Variants in NEK9 observed in about 807,000 individuals in gnomAD.
NEK9 encodes the protein serine/threonine-protein kinase Nek9.
In NEK9, 75 loss-of-function variants were observed where a neutral mutation model predicts 123.4. The observed-to-expected ratio is 0.61, with a 90% CI of 0.50 to 0.74. NEK9 has a LOEUF of 0.74. Ranked by LOEUF, NEK9 falls within the 30% of genes least tolerant of loss-of-function variation. The probability of loss-of-function intolerance (pLI) is 0.00; values close to 1 mark genes in which losing one functional copy is unlikely to be tolerated. For synonymous variants in NEK9, 438 were observed against 458.7 expected, an observed-to-expected ratio of 0.95 and a Z score of 0.58; for missense variants, 952 against 1,214.4, an observed-to-expected ratio of 0.78 and a Z score of 3.21.
At chr14:75,126,286 C>T (rs766726749) in intron 1 of NEK9, among the ~76,000 whole-genome samples, 25 of 152,030 alleles carry the variant, frequency 1.6e-4, no homozygotes, top group Non-Finnish European at 2.9e-4. Flanking sequence ...TCCTCCTCAC[C>T]CCGACCTTGG....
intron 8 of NEK9, among the ~76,000 whole-genome samples, chr14:75,110,651 G>T (rs1216691134): frequency 6.6e-6 from 1 of 151,918 alleles, no homozygotes; most frequent in African/African-American, 2.4e-5. Flanking sequence ...GAGAACCTCT[G>T]ATGTACATAT....
chr14:75,111,496 A>T (rs949077214), intron 8 of NEK9, among the ~76,000 whole-genome samples: 1 of 152,224 alleles, frequency 6.6e-6, no homozygotes, highest in Admixed American at 6.5e-5. Flanking sequence ...TTTTCCATCA[A>T]AGTACAAAGT....
rs1179925260 is a variant in NEK9 at position 75,090,775 on chromosome 14, G to A, written c.2442+495C>T. Among the ~76,000 whole-genome samples the A allele has an allele frequency of 5.3e-5, 8 of 151,894 alleles. 1 individual carries two copies. Among genetic ancestry groups the A allele is most frequent in the Admixed American group, 5.2e-4 (8 of 15,254 alleles). Reference sequence around the variant, plus strand: ...TTTGGTACAGACAAGGTCTTGCTGTGTTGCCCAAGCTGGTCTTGAGCTCCT... The same window carrying A: ...TTTGGTACAGACAAGGTCTTGCTGTATTGCCCAAGCTGGTCTTGAGCTCCT... On this transcript the variant is annotated intron_variant, in intron 19 of 21. Coordinates refer to ENST00000238616, the MANE Select transcript of NEK9 (RefSeq NM_033116.6).
intron 17 of NEK9, chr14:75,096,733 GC>G (rs1894397417): frequency 6.4e-6 from 1 of 157,168 alleles, no homozygotes; most frequent in Non-Finnish European, 1.4e-5. Flanking sequence ...AAGAGAATTT[GC>G]TTGAACCCAA....
chr14:75,102,696 T>C (rs1380288125), intron 14 of NEK9, among the ~76,000 whole-genome samples: 1 of 152,216 alleles, frequency 6.6e-6, no homozygotes, highest in Non-Finnish European at 1.5e-5. Flanking sequence ...TCTCCAGCCT[T>C]GCCCTGAATT....
intron 16 of NEK9, among the ~76,000 whole-genome samples, chr14:75,099,201 TG>T (rs1450270262): frequency 4.6e-5 from 7 of 152,108 alleles, no homozygotes; most frequent in Non-Finnish European, 8.8e-5. Context: ...GGCACACGCC[TG>T]TAATTCCAGC....
chr14:75,117,509 C>A (rs1384860159), intron 5 of NEK9, among the ~76,000 whole-genome samples, 183 bp from the exon 6 acceptor site: 1 of 152,102 alleles, frequency 6.6e-6, no homozygotes, highest in African/African-American at 2.4e-5. Context: ...TCATATCAAA[C>A]CTCTTGGGTC....
intron 12 of NEK9, 128 bp downstream of exon 12, chr14:75,106,361 GAAAAAAAAAAAAA>G: frequency 6.7e-6 from 2 of 298,952 alleles, no homozygotes; most frequent in East Asian, 8.4e-5. Context: ...TCTGTCTCGA[GAAAAAAAAAAAAA>G]AAAAAAAAAA....
intron 8 of NEK9, among the ~76,000 whole-genome samples, chr14:75,112,010 CA>C (rs1382013908): frequency 2.0e-5 from 3 of 152,100 alleles, no homozygotes; most frequent in Non-Finnish European, 4.4e-5. Context: ...TGCACGTGCA[CA>C]AAACATAAAT....
intron 2 of NEK9, among the ~76,000 whole-genome samples, chr14:75,123,333 G>A (rs1393530278): frequency 6.6e-6 from 1 of 152,000 alleles, no homozygotes. Context: ...CCCAGGAGGC[G>A]GAGGTTGTGG....
At chr14:75,114,084 T>C in intron 7 of NEK9, 119 bp downstream of exon 7, 1 of 668,088 alleles carries the variant, frequency 1.5e-6, no homozygotes, top group Non-Finnish European at 2.7e-6. Flanking sequence ...TAGCCACAAA[T>C]ACACTCTACC....
intron 4 of NEK9, 21 bp downstream of exon 4, chr14:75,120,489 A>G (rs1202654013): frequency 6.3e-7 from 1 of 1,575,940 alleles, no homozygotes; most frequent in Non-Finnish European, 8.7e-7. Flanking sequence ...GAATCCATCC[A>G]TAATTTTTTT....
chr14:75,102,716 C>T (rs1894629072), intron 14 of NEK9, among the ~76,000 whole-genome samples: 1 of 152,134 alleles, frequency 6.6e-6, no homozygotes, highest in Admixed American at 6.5e-5. Context: ...TTGTACTCTC[C>T]TAATTGAAAA....
At position 75,124,183 on chromosome 14, in the gene NEK9, C is replaced by T. The variant is rs767146329; in HGVS notation, c.260G>A (p.Arg87Gln). ...LVVWKEVDLT[R>Q]LSEKERRDAL... is the part of the protein sequence containing the mutation. ...ATCACGACGTTCCTTCTCAGACAGC[C>T]GGGTCAAATCGACTTCCTTCCACAC... Residue 87 changes from arginine to glutamine, a missense_variant, in exon 2 of 22, where the codon CGG (arginine) becomes CAG (glutamine). This residue lies in a region of NEK9 where 106 missense variants were observed against 153.0 expected (regional missense o/e 0.69). Coordinates refer to ENST00000238616, the MANE Select transcript of NEK9 (RefSeq NM_033116.6). 9.3e-6 allele frequency: 15 copies of T among 1,613,998 alleles called. No homozygotes were observed. The highest frequency in any genetic ancestry group is 2.2e-5 in the East Asian group (1 of 44,882).
chr14:75,093,620 AT>A (rs912408186), intron 18 of NEK9, among the ~76,000 whole-genome samples: 4 of 151,040 alleles, frequency 2.6e-5, no homozygotes, highest in African/African-American at 4.9e-5. Flanking sequence ...TGCCTGGCTA[AT>A]TTTTTTTTGT....
chr14:75,124,938 ATT>A (rs34243579), intron 1 of NEK9, among the ~76,000 whole-genome samples: 300 of 139,470 alleles, frequency 2.2e-3, no homozygotes, highest in African/African-American at 3.0e-3. Flanking sequence ...ACTCAGCTAA[ATT>A]TTTTTTTTTT....
In NEK9 at chr14:75,107,507, T is replaced by C; in HGVS notation, c.1183-20A>G. ...CATGTTCTGTGAAATAAAGAGGTCT[T>C]ATGACTTTTTTTTTTAATTACATTT... On this transcript the variant is annotated intron_variant, in intron 10 of 21. Coordinates refer to ENST00000238616, the MANE Select transcript of NEK9 (RefSeq NM_033116.6). 1 of 1,559,150 alleles carries C rather than the reference T, an allele frequency of 6.4e-7. No individual in the cohort carries two copies. The highest frequency in any genetic ancestry group is 8.6e-7 in the Non-Finnish European group (1 of 1,158,854).
In NEK9 at chr14:75,106,702, T is replaced by A; in HGVS notation, c.1328A>T (p.Asp443Val). 1 of 1,606,132 alleles carries A rather than the reference T, an allele frequency of 6.2e-7. No homozygotes were observed. Among genetic ancestry groups the A allele is most frequent in the Non-Finnish European group, 8.5e-7 (1 of 1,175,410 alleles). The change falls in exon 12 of 22, where the codon GAT becomes GTT. Residue 443 changes from aspartate to valine, a missense_variant and splice_region_variant. Asp to Val is a radical substitution (Grantham distance 152). Transcript: ENST00000238616. ...CGDDFTVCVT[D>V]EGQLYAFGSD... ...TCCGAAGGCATAGAGCTGACCCTCA[T>A]CTGCAAAAGAAAGGAAAACAGAATC... is the stretch of plus-strand genomic sequence containing the variant.
chr14:75,104,223 C>T (rs1276680559), intron 13 of NEK9, among the ~76,000 whole-genome samples: 7 of 149,132 alleles, frequency 4.7e-5, no homozygotes, highest in Non-Finnish European at 1.5e-5. Flanking sequence ...GGAGTGAAGT[C>T]GTGCGATCTT....
Sources: gnomAD v4.1 joint callset for allele counts (sites outside exome capture counted in the v4.1 genomes callset) on GRCh38, gnomAD v4.1.1 for gene constraint, gnomAD v4.1.1 regional missense constraint, MANE v1.5 for transcripts, NCBI Gene and HGNC (gene_info 2026-07-23, HGNC 2026-07-21) for gene names.